IGF2BP3: variants seen among roughly 807,000 people sequenced by gnomAD.
The protein encoded by IGF2BP3 is insulin-like growth factor 2 mRNA-binding protein 3.
In IGF2BP3, 9 loss-of-function variants were observed where a neutral mutation model predicts 73.8. The ratio of observed to expected loss-of-function variants is 0.12; its 90% confidence interval spans 0.07 to 0.21. The LOEUF (loss-of-function observed/expected upper bound fraction) is 0.21. IGF2BP3 is among the 10% of genes least tolerant of loss of function. The pLI, the probability that IGF2BP3 is intolerant of heterozygous loss-of-function variation, is 1.00. For synonymous variants in IGF2BP3, 258 were observed against 256.7 expected (o/e 1.01, Z -0.05); for missense variants, 542 against 714.0 (o/e 0.76, Z 2.75).
At chr7:23,463,564 T>C (rs1788498215) in intron 2 of IGF2BP3, among the ~76,000 whole-genome samples, 1 of 152,232 alleles carries the variant, frequency 6.6e-6, no homozygotes, top group South Asian at 2.1e-4. Flanking sequence ...AAATACTATA[T>C]ACCCCTTGTA....
intron 10 of IGF2BP3, among the ~76,000 whole-genome samples, chr7:23,330,262 G>A (rs906488584): frequency 6.0e-5 from 9 of 151,104 alleles, no homozygotes; most frequent in African/African-American, 2.2e-4. Context: ...CTCCAGCCCG[G>A]GTGACAGTAC....
chr7:23,351,223 A>T lies in IGF2BP3; in HGVS notation c.683+82T>A, dbSNP rs527861952. 508 of 1,503,896 alleles carry T rather than the reference A, an allele frequency of 3.4e-4. 1 individual carries two copies. In the African/African-American group the frequency reaches 4.6e-3, roughly 14 times the overall value. 93.2% of individuals were successfully genotyped at this position (1,503,896 alleles called of 1,614,324 possible). A position where few individuals can be genotyped will look rare whatever the true frequency, so the allele number is the denominator to read the frequency against. ...TCCTCATGGCTGTGTTCAGAAGGGC[A>T]CCAAGTACCAGAACGACACACTGTT... On this transcript the variant is annotated intron_variant, in intron 6 of 14. Transcript: ENST00000258729.
chr7:23,374,478 C>G (rs947895030), intron 3 of IGF2BP3, among the ~76,000 whole-genome samples: 3 of 152,068 alleles, frequency 2.0e-5, no homozygotes, highest in Non-Finnish European at 4.4e-5. Context: ...GAGTTTGAGA[C>G]CAGCCTGGGC....
chr7:23,338,108 C>T (rs1784618620), intron 10 of IGF2BP3, among the ~76,000 whole-genome samples: 1 of 152,050 alleles, frequency 6.6e-6, no homozygotes, highest in South Asian at 2.1e-4. Flanking sequence ...TAAAAACAGA[C>T]ATAACGGCAA....
At position 23,410,124 on chromosome 7, in the gene IGF2BP3, G is replaced by A. The variant is rs575821538; in HGVS notation, c.285+8652C>T. Among the ~76,000 whole-genome samples, 23 of 152,164 alleles carry A rather than the reference G, an allele frequency of 1.5e-4. No homozygotes were observed. In the East Asian group the frequency reaches 3.5e-3, roughly 23 times the overall value. On this transcript the variant is annotated intron_variant, in intron 3 of 14. Coordinates refer to ENST00000258729, the MANE Select transcript of IGF2BP3 (RefSeq NM_006547.3). ...GCAGAGGTTGCAGTGAGCCGAGATC[G>A]CACCATTGCACTCCAGCCTGGGTGA...
chr7:23,418,128 G>GAGATACAT (rs1240001913), intron 3 of IGF2BP3, among the ~76,000 whole-genome samples: 1 of 152,036 alleles, frequency 6.6e-6, no homozygotes, highest in African/African-American at 2.4e-5. Flanking sequence ...TTTTATATTA[G>GAGATACAT]AGATACATAA....
chr7:23,457,250 G>A (rs1437729752), intron 2 of IGF2BP3, among the ~76,000 whole-genome samples: 2 of 152,150 alleles, frequency 1.3e-5, no homozygotes, highest in East Asian at 3.9e-4. Context: ...ATCACTTGAG[G>A]TCAGGAGTTC....
chr7:23,354,181 A>G (rs1308753593), intron 5 of IGF2BP3, among the ~76,000 whole-genome samples: 2 of 152,092 alleles, frequency 1.3e-5, no homozygotes, highest in African/African-American at 4.8e-5. Context: ...TTTAGTAGAG[A>G]TGGGTTTTGC....
intron 3 of IGF2BP3, among the ~76,000 whole-genome samples, chr7:23,367,808 C>T (rs761986818): frequency 5.9e-5 from 9 of 152,160 alleles, no homozygotes; most frequent in Non-Finnish European, 8.8e-5. Flanking sequence ...TGAGACCAGC[C>T]GGGCCAACAT....
In IGF2BP3 at chr7:23,463,174, A is replaced by T. The variant is rs534459286; in HGVS notation, c.236+5308T>A. Among the ~76,000 whole-genome samples the T allele has an allele frequency of 7.9e-5, 12 of 152,350 alleles. No homozygotes were observed. The South Asian group carries it at 2.5e-3, about 32-fold the overall frequency. ...ACCAACCACCAGAGTTACTGAATGG[A>T]TAACTCACACCTTCCAAAAATTAGT... On this transcript the variant is annotated intron_variant, in intron 2 of 14. Coordinates refer to ENST00000258729, the MANE Select transcript of IGF2BP3 (RefSeq NM_006547.3).
intron 3 of IGF2BP3, among the ~76,000 whole-genome samples, chr7:23,395,847 A>G (rs1460121996): frequency 1.3e-5 from 2 of 151,564 alleles, no homozygotes; most frequent in Non-Finnish European, 2.9e-5. Flanking sequence ...AACTGCTTGA[A>G]CCTGGGAGGC....
Position 23,470,030 on chromosome 7 carries a change from G to A in IGF2BP3, c.81C>T (p.Ile27=), listed in dbSNP as rs1257179266. ...TCACCAGGAAGGGTCCCGACACCGG[G>A]ATCTTGGCGTCCTTGAAGATACTTT... ...DLESIFKDAK[I]PVSGPFLVKT... Residue 27 remains isoleucine (I), a synonymous_variant, in exon 1 of 15, where the codon ATC becomes ATT. Coordinates refer to ENST00000258729, the MANE Select transcript of IGF2BP3 (RefSeq NM_006547.3). 2.5e-6 allele frequency: 4 copies of A among 1,612,656 alleles called. No individual in the cohort carries two copies. Among genetic ancestry groups the A allele is most frequent in the Non-Finnish European group, 3.4e-6 (4 of 1,179,706 alleles).
chr7:23,450,879 T>C (rs904622051), intron 2 of IGF2BP3, among the ~76,000 whole-genome samples: 2 of 152,200 alleles, frequency 1.3e-5, no homozygotes, highest in Admixed American at 6.5e-5. Flanking sequence ...TGTCTCAATT[T>C]AAATTTAAAA....
At chr7:23,435,736 GTGAGCCACTGTGCC>G (rs550815375) in intron 2 of IGF2BP3, among the ~76,000 whole-genome samples, 228 of 150,012 alleles carry the variant, frequency 1.5e-3, no homozygotes, top group African/African-American at 5.3e-3. Flanking sequence ...GATTACAGGC[GTGAGCCACTGTGCC>G]TGGCCTTTTT....
At chr7:23,379,688 T>C (rs1248694706) in intron 3 of IGF2BP3, among the ~76,000 whole-genome samples, 2 of 152,200 alleles carry the variant, frequency 1.3e-5, no homozygotes, top group Non-Finnish European at 2.9e-5. Context: ...AGTTTAAAGA[T>C]ACTACAAAAC....
chr7:23,460,779 G>A (rs917731081), intron 2 of IGF2BP3, among the ~76,000 whole-genome samples: 2 of 151,986 alleles, frequency 1.3e-5, no homozygotes, highest in African/African-American at 4.8e-5. Flanking sequence ...GTGAAACCCT[G>A]CCTCTACTAA....
Position 23,437,744 on chromosome 7 carries a change from C to G in IGF2BP3, c.237-18920G>C, listed in dbSNP as rs1403928120. 2.0e-5 allele frequency among the ~76,000 whole-genome samples: 3 copies of G among 152,126 alleles called. No homozygotes were observed. The East Asian group carries it at 5.8e-4, about 29-fold the overall frequency. Reference sequence around the variant, plus strand: ...TTTAACAACAAACTTTAAGATTTCACCAATATTGAGAACAAAAGTAAAAAA... The same window carrying G: ...TTTAACAACAAACTTTAAGATTTCAGCAATATTGAGAACAAAAGTAAAAAA... On this transcript the variant is annotated intron_variant, in intron 2 of 14. Coordinates refer to ENST00000258729, the MANE Select transcript of IGF2BP3 (RefSeq NM_006547.3).
Position 23,406,272 on chromosome 7 carries a change from C to A in IGF2BP3, c.285+12504G>T, listed in dbSNP as rs944127702. Among the ~76,000 whole-genome samples the A allele has an allele frequency of 3.3e-5, 5 of 152,176 alleles. No individual in the cohort carries two copies. In the East Asian group the frequency reaches 9.7e-4, roughly 29 times the overall value. ...TACAGTTACAGGAAGTGCACAACCACGCAAGGTATCTAAGGTCCTTGCTTT... is the reference window on the plus strand; with the variant it reads ...TACAGTTACAGGAAGTGCACAACCAAGCAAGGTATCTAAGGTCCTTGCTTT... On this transcript the variant is annotated intron_variant, in intron 3 of 14. Transcript: ENST00000258729.
chr7:23,433,389 T>C (rs541146541), intron 2 of IGF2BP3, among the ~76,000 whole-genome samples: 6 of 152,210 alleles, frequency 3.9e-5, no homozygotes, highest in East Asian at 1.9e-4. Flanking sequence ...ATAAAATACA[T>C]ACAGATGTTG....
Sources: allele counts gnomAD v4.1 joint callset (sites outside exome capture counted in the v4.1 genomes callset), GRCh38; gene constraint gnomAD v4.1.1; transcripts MANE v1.5; gene names NCBI Gene and HGNC (gene_info 2026-07-23, HGNC 2026-07-21).